The following ADCY9 variants were observed in gnomAD, a reference collection of about 807,000 sequenced individuals.
The protein encoded by ADCY9 is adenylate cyclase 9, also known as adenylate cyclase type 9.
ADCY9 carries 50 observed loss-of-function variants against 101.5 expected under a neutral mutation model. The observed-to-expected ratio is 0.49, with a 90% CI of 0.39 to 0.62. The LOEUF (loss-of-function observed/expected upper bound fraction) is 0.62. Among genes scored for constraint, ADCY9 ranks in the 20% least tolerant of loss-of-function variants. The pLI is 0.00. For synonymous variants in ADCY9, 905 were observed against 769.3 expected (o/e 1.18, Z -2.92); for missense variants, 1,662 against 1,800.4 (o/e 0.92, Z 1.39).
Position 3,966,843 on chromosome 16 carries a change from G to A in ADCY9, c.2994C>T (p.Arg998=), listed in dbSNP as rs143722912. ...LLLLLVWFLN[R]EFEVSYRLHY... is the part of the protein sequence containing the mutation. ...GGAGGCGGTAGCTGACTTCAAATTC[G>A]CGATTCAGGAACCAGACCAACAAGA... The change falls in exon 11 of 11, where the codon CGC becomes CGT. Residue 998 remains arginine, a synonymous_variant. Transcript: ENST00000294016. 15,118 of 1,614,182 alleles carry A rather than the reference G, an allele frequency of 9.4e-3. 85 individuals are homozygous for A. Among genetic ancestry groups the A allele is most frequent in the Non-Finnish European group, 0.011 (13,409 of 1,180,046 alleles).
At chr16:4,063,730 C>A (rs1164758230) in intron 2 of ADCY9, among the ~76,000 whole-genome samples, 2 of 148,792 alleles carry the variant, frequency 1.3e-5, no homozygotes, top group African/African-American at 4.9e-5. Context: ...AAAACACAAA[C>A]CTGAGTTTCC....
chr16:4,036,622 C>T (rs925516280), intron 2 of ADCY9, among the ~76,000 whole-genome samples: 7 of 151,784 alleles, frequency 4.6e-5, no homozygotes, highest in Admixed American at 3.3e-4. Flanking sequence ...ACCAACCACC[C>T]GGCTAATTTT....
At chr16:4,056,854 C>CTTGTCAGACA (rs1459871797) in intron 2 of ADCY9, among the ~76,000 whole-genome samples, 1 of 152,168 alleles carries the variant, frequency 6.6e-6, no homozygotes, top group Non-Finnish European at 1.5e-5. Context: ...CGGCCACACC[C>CTTGTCAGACA]AGGTTGCCTG....
intron 2 of ADCY9, among the ~76,000 whole-genome samples, chr16:4,029,067 G>T (rs1287220279): frequency 6.6e-6 from 1 of 152,166 alleles, no homozygotes; most frequent in African/African-American, 2.4e-5. Flanking sequence ...ACAGACGTGA[G>T]CCACTGCGCC....
At chr16:3,989,119 T>C in intron 5 of ADCY9, 23 bp from the exon 6 acceptor site, 2 of 1,530,132 alleles carry the variant, frequency 1.3e-6, no homozygotes, top group Non-Finnish European at 1.8e-6. Flanking sequence ...ACAAATGCAG[T>C]CGATCAATAC....
Position 4,115,385 on chromosome 16 carries a change from C to G in ADCY9, c.58G>C (p.Asp20His), listed in dbSNP as rs749514225. 1 of 1,599,258 alleles carries G rather than the reference C, an allele frequency of 6.3e-7. No homozygotes were observed. The highest frequency in any genetic ancestry group is 1.1e-5 in the South Asian group (1 of 88,974). Residue 20 changes from aspartate (D) to histidine (H), a missense_variant, in exon 2 of 11, where the codon GAC becomes CAC. Physicochemically the swap from Asp to His is moderately conservative, Grantham distance 81. Around this residue, in one of 5 missense-constraint regions of ADCY9, gnomAD observed 422 missense variants for 392.0 expected, o/e 1.08. Coordinates refer to ENST00000294016, the MANE Select transcript of ADCY9 (RefSeq NM_001116.4). The surrounding 1 kb of genome is among the most constrained non-coding windows in gnomAD (Gnocchi z 6.2). ...LHHHSTEVSCDSSGDSNSVRV... is the reference protein window; with the variant it reads ...LHHHSTEVSCHSSGDSNSVRV... ...ACGCTGTTGCTGTCCCCGCTGGAGTCGCAGCTCACCTCGGTGCTGTGGTGA... is the reference window on the plus strand; with the variant it reads ...ACGCTGTTGCTGTCCCCGCTGGAGTGGCAGCTCACCTCGGTGCTGTGGTGA...
intron 2 of ADCY9, among the ~76,000 whole-genome samples, chr16:4,046,837 CA>C (rs1258370177): frequency 2.7e-5 from 4 of 150,174 alleles, no homozygotes; most frequent in South Asian, 2.1e-4. Context: ...AACAAAACAA[CA>C]AAAAAAAAGT....
chr16:3,965,538 C>T lies in ADCY9; in HGVS notation c.*237G>A. 1 of 566,870 alleles carries T rather than the reference C, an allele frequency of 1.8e-6. No homozygotes were observed. The highest frequency in any genetic ancestry group is 3.1e-6 in the Non-Finnish European group (1 of 321,186). The allele number at this position is 566,870 out of a possible 1,614,324, so 35.1% of individuals were successfully genotyped here. ...AGCCCTGAAGGCACTTGTTCTCCAC[C>T]ACGTGCTGAACGGATGACCCAGAGG... On this transcript the variant is annotated 3_prime_UTR_variant, in exon 11 of 11. Transcript: ENST00000294016.
chr16:4,092,850 C>T (rs1041641189), intron 2 of ADCY9, among the ~76,000 whole-genome samples: 9 of 151,910 alleles, frequency 5.9e-5, no homozygotes, highest in African/African-American at 1.9e-4. Context: ...TTTAATGTAA[C>T]GAAGTAAAAA....
At chr16:3,955,409 TGAATTA>T (rs1241782637) in intron 5 of ADCY9, among the ~76,000 whole-genome samples, 1 of 152,194 alleles carries the variant, frequency 6.6e-6, no homozygotes, top group African/African-American at 2.4e-5. Flanking sequence ...AGCTCTTAAT[TGAATTA>T]ATGTCCTGAA....
chr16:4,049,596 A>G (rs1434953522), intron 2 of ADCY9, among the ~76,000 whole-genome samples: 1 of 152,202 alleles, frequency 6.6e-6, no homozygotes, highest in Non-Finnish European at 1.5e-5. Context: ...ACTACAAGGC[A>G]GAACAATAAA....
chr16:4,044,144 C>T (rs189157472), intron 2 of ADCY9, among the ~76,000 whole-genome samples: 2 of 152,010 alleles, frequency 1.3e-5, no homozygotes, highest in South Asian at 2.1e-4. Flanking sequence ...ATCAGGAGTT[C>T]GACACCAGTC....
At chr16:4,105,939 G>A (rs2057074328) in intron 2 of ADCY9, among the ~76,000 whole-genome samples, 1 of 152,102 alleles carries the variant, frequency 6.6e-6, no homozygotes, top group African/African-American at 2.4e-5. Flanking sequence ...GACTGTCGGG[G>A]CCCAGCATTT....
chr16:3,976,758 A>T (rs1432394354), intron 9 of ADCY9, among the ~76,000 whole-genome samples: 1 of 152,142 alleles, frequency 6.6e-6, no homozygotes, highest in Non-Finnish European at 1.5e-5. Context: ...CCCGGGTACA[A>T]GCGGTTCTCC....
At chr16:4,044,215 T>C (rs1468431460) in intron 2 of ADCY9, among the ~76,000 whole-genome samples, 1 of 151,806 alleles carries the variant, frequency 6.6e-6, no homozygotes, top group East Asian at 1.9e-4. Flanking sequence ...GGTGTGGTGG[T>C]GTGTGCCTGT....
At chr16:3,997,755 CTGTG>C (rs1251497358) in intron 3 of ADCY9, among the ~76,000 whole-genome samples, 1 of 152,172 alleles carries the variant, frequency 6.6e-6, no homozygotes, top group East Asian at 1.9e-4. Context: ...TCCCACAGAC[CTGTG>C]TCACCCGGAC....
chr16:4,057,038 G>T (rs12926615), intron 2 of ADCY9, among the ~76,000 whole-genome samples: 2 of 83,514 alleles, frequency 2.4e-5, no homozygotes, highest in Admixed American at 1.3e-4. Context: ...TGATGAAACC[G>T]CCCCCCCCCC....
At chr16:4,025,078 G>A (rs965745045) in intron 2 of ADCY9, among the ~76,000 whole-genome samples, 1 of 152,060 alleles carries the variant, frequency 6.6e-6, no homozygotes, top group Non-Finnish European at 1.5e-5. Flanking sequence ...GGGTAGGGAG[G>A]GGGGCTGGGT....
At chr16:4,098,013 A>T (rs2057019257) in intron 2 of ADCY9, among the ~76,000 whole-genome samples, 1 of 152,126 alleles carries the variant, frequency 6.6e-6, no homozygotes, top group Admixed American at 6.6e-5. Flanking sequence ...AACAAAATTA[A>T]GTCAAATACA....
Sources: allele counts gnomAD v4.1 joint callset (sites outside exome capture counted in the v4.1 genomes callset), GRCh38; gene constraint gnomAD v4.1.1; regional missense constraint gnomAD v4.1.1; non-coding constraint Gnocchi (gnomAD v3.1); transcripts MANE v1.5; gene names NCBI Gene and HGNC (gene_info 2026-07-23, HGNC 2026-07-21).